DCDC2C: variants seen among roughly 807,000 people sequenced by gnomAD.
The protein encoded by DCDC2C is doublecortin domain-containing protein 2C.
A neutral mutation model predicts 45.0 loss-of-function variants in DCDC2C; 44 were observed. The ratio of observed to expected loss-of-function variants is 0.98; its 90% CI spans 0.77 to 1.26. The LOEUF (loss-of-function observed/expected upper bound fraction) is 1.26, where lower values mean the gene tolerates loss of function less well. Ranked by LOEUF, DCDC2C falls within the 50% of genes most tolerant of loss-of-function variation. The pLI, the probability that DCDC2C is intolerant of heterozygous loss-of-function variation, is 0.00. For synonymous variants in DCDC2C, 187 were observed against 178.8 expected, an observed-to-expected ratio of 1.05 and a Z score of -0.37; for missense variants, 447 against 468.9, an observed-to-expected ratio of 0.95 and a Z score of 0.43.
chr2:3,757,210 G>T (rs1373095963), intron 6 of DCDC2C, among the ~76,000 whole-genome samples: 1 of 151,992 alleles, frequency 6.6e-6, no homozygotes, highest in Non-Finnish European at 1.5e-5. Flanking sequence ...TTACTTGCTT[G>T]CCCCAGGTTT....
At chr2:3,764,884 A>G (rs572889439) in intron 6 of DCDC2C, among the ~76,000 whole-genome samples, 15 of 152,338 alleles carry the variant, frequency 9.8e-5, no homozygotes, top group African/African-American at 3.1e-4. Flanking sequence ...TTTTGGGACA[A>G]TTACAAAATT....
chr2:3,777,138 G>A (rs113796763), intron 8 of DCDC2C, among the ~76,000 whole-genome samples: 147 of 152,298 alleles, frequency 9.7e-4, no homozygotes, highest in Admixed American at 1.4e-3. Context: ...ACAGGGCTGT[G>A]CACATGCTGC....
intron 10 of DCDC2C, among the ~76,000 whole-genome samples, chr2:3,829,789 G>A (rs972571172): frequency 1.3e-5 from 2 of 152,088 alleles, no homozygotes; most frequent in South Asian, 4.2e-4. Flanking sequence ...CGGGGCCTTC[G>A]GTTCTCTCTC....
At chr2:3,826,685 C>A (rs1447147723) in intron 10 of DCDC2C, among the ~76,000 whole-genome samples, 2 of 152,082 alleles carry the variant, frequency 1.3e-5, no homozygotes, top group Non-Finnish European at 2.9e-5. Flanking sequence ...GAATGGAAAT[C>A]CCAACAGCTC....
chr2:3,835,181 G>T (rs1672045406), intron 10 of DCDC2C, among the ~76,000 whole-genome samples: 2 of 152,166 alleles, frequency 1.3e-5, no homozygotes, highest in Admixed American at 6.5e-5. Flanking sequence ...GCATGATTTG[G>T]GTTGAATTTT....
At chr2:3,846,823 G>C (rs865865389) in intron 10 of DCDC2C, among the ~76,000 whole-genome samples, 4 of 152,080 alleles carry the variant, frequency 2.6e-5, no homozygotes, top group Non-Finnish European at 5.9e-5. Context: ...GAGTGAGAAG[G>C]GGGAGAAGAT....
chr2:3,742,255 T>C (rs1339828595), intron 4 of DCDC2C, among the ~76,000 whole-genome samples: 4 of 152,338 alleles, frequency 2.6e-5, no homozygotes, highest in South Asian at 2.1e-4. Context: ...CAACAAACCA[T>C]TGAGCATCTA....
intron 2 of DCDC2C, among the ~76,000 whole-genome samples, chr2:3,719,091 C>CT (rs962901126): frequency 0.014 from 1,971 of 145,822 alleles, 43 homozygotes; most frequent in African/African-American, 0.046. Context: ...CAGCTGTTTC[C>CT]TTTTTTTTTT....
intron 6 of DCDC2C, among the ~76,000 whole-genome samples, chr2:3,755,944 G>A (rs778644461): frequency 2.0e-5 from 3 of 152,104 alleles, no homozygotes; most frequent in Non-Finnish European, 4.4e-5. Flanking sequence ...ATGGATACAC[G>A]TGTATAGAGG....
chr2:3,733,506 A>T (rs1346020258), intron 3 of DCDC2C, among the ~76,000 whole-genome samples: 4 of 152,160 alleles, frequency 2.6e-5, no homozygotes, highest in African/African-American at 9.7e-5. Context: ...GGGTTGTTAT[A>T]ACAAAATATG....
At chr2:3,740,618 C>T (rs1372670152) in intron 3 of DCDC2C, among the ~76,000 whole-genome samples, 3 of 152,142 alleles carry the variant, frequency 2.0e-5, no homozygotes, top group Non-Finnish European at 4.4e-5. Flanking sequence ...AACATTGTAG[C>T]AAATCTTTAT....
At chr2:3,826,995 C>T (rs1671838349) in intron 10 of DCDC2C, among the ~76,000 whole-genome samples, 1 of 151,508 alleles carries the variant, frequency 6.6e-6, no homozygotes, top group South Asian at 2.1e-4. Context: ...ATTAAGTGGA[C>T]CTATGTGTGA....
chr2:3,725,365 A>G (rs967594636), intron 2 of DCDC2C, among the ~76,000 whole-genome samples: 5 of 148,254 alleles, frequency 3.4e-5, no homozygotes, highest in Non-Finnish European at 7.5e-5. Flanking sequence ...GCTGGGGACC[A>G]GGGTGGCTGA....
chr2:3,711,280 G>T (rs1041231764), intron 2 of DCDC2C, among the ~76,000 whole-genome samples: 4 of 152,158 alleles, frequency 2.6e-5, no homozygotes, highest in African/African-American at 9.7e-5. Flanking sequence ...GCCCAGCAAT[G>T]CCGTTACTGG....
At chr2:3,731,728 G>C (rs1668874046) in intron 3 of DCDC2C, among the ~76,000 whole-genome samples, 1 of 152,182 alleles carries the variant, frequency 6.6e-6, no homozygotes, top group East Asian at 1.9e-4. Flanking sequence ...AATGTGTCTT[G>C]CTACAGGGAC....
chr2:3,723,629 C>T (rs986488276), intron 2 of DCDC2C, among the ~76,000 whole-genome samples: 1 of 152,072 alleles, frequency 6.6e-6, no homozygotes, highest in Non-Finnish European at 1.5e-5. Context: ...ATCACACTGC[C>T]TTCTGACTTG....
chr2:3,729,053 G>T (rs138264038), intron 3 of DCDC2C, among the ~76,000 whole-genome samples: 93 of 152,308 alleles, frequency 6.1e-4, no homozygotes, highest in Middle Eastern at 3.4e-3. Flanking sequence ...ACTTAGGAAG[G>T]GATTCACTCA....
chr2:3,808,426 T>C (rs1671309958), intron 10 of DCDC2C, among the ~76,000 whole-genome samples: 1 of 152,140 alleles, frequency 6.6e-6, no homozygotes, highest in Non-Finnish European at 1.5e-5. Context: ...TGGTTCTCGC[T>C]CTGTTACCAG....
intron 4 of DCDC2C, among the ~76,000 whole-genome samples, chr2:3,746,324 C>A (rs1483908393): frequency 1.3e-5 from 2 of 152,170 alleles, no homozygotes; most frequent in Non-Finnish European, 2.9e-5. Context: ...CACATCAGCA[C>A]CCTGTGGGCC....
Sources: allele counts gnomAD v4.1 joint callset (sites outside exome capture counted in the v4.1 genomes callset), GRCh38; gene constraint gnomAD v4.1.1; transcripts MANE v1.5; gene names NCBI Gene and HGNC (gene_info 2026-07-23, HGNC 2026-07-21).